Variants in LAMA5 observed in about 807,000 individuals in gnomAD.
The protein encoded by LAMA5 is laminin subunit alpha-5.
A neutral mutation model predicts 433.4 loss-of-function variants in LAMA5; 260 were observed. The observed-to-expected ratio is 0.60, with a 90% CI of 0.54 to 0.66. LAMA5 has a LOEUF of 0.66. Ranked by LOEUF, LAMA5 falls within the 30% of genes least tolerant of loss-of-function variation. LAMA5 has a pLI of 0.00. For synonymous variants in LAMA5, 2,620 were observed against 2,226.6 expected (o/e 1.18, Z -4.97); for missense variants, 5,378 against 5,258.5 (o/e 1.02, Z -0.70).
Position 62,322,638 on chromosome 20 carries a change from T to G in LAMA5, c.6165+20A>C. On this transcript the variant is annotated intron_variant, in intron 46 of 79. Transcript: ENST00000252999. ...TCCCTAGGCCCCACCCACCCAGCCC[T>G]GCTTACCCCACAGCCCTACCTGGCA... 3 of 716,342 alleles carry G rather than the reference T, an allele frequency of 4.2e-6. No homozygotes were observed. Among genetic ancestry groups the G allele is most frequent in the Non-Finnish European group, 6.4e-6 (3 of 466,046 alleles). The allele number at this position is 716,342 out of a possible 1,614,324, so 44.4% of individuals were successfully genotyped here. A position where few individuals can be genotyped will look rare whatever the true frequency, so the allele number is the denominator to read the frequency against.
chr20:62,365,177 C>T (rs113958710), intron 1 of LAMA5, among the ~76,000 whole-genome samples: 2 of 152,266 alleles, frequency 1.3e-5, no homozygotes, highest in African/African-American at 4.8e-5. Flanking sequence ...TATTGCTAGA[C>T]ATGAGCTGGG....
At position 62,317,032 on chromosome 20, in the gene LAMA5, G is replaced by C. The variant is rs373944109; in HGVS notation, c.7512-9C>G. ...TGACGTCCAGGATGATGCTGCAGCG[G>C]AAGGGAGGGTCGAAGGAGTGGGTAA... On this transcript the variant is annotated splice_polypyrimidine_tract_variant and intron_variant, in intron 55 of 79. Coordinates refer to ENST00000252999, the MANE Select transcript of LAMA5 (RefSeq NM_005560.6). The C allele has an allele frequency of 3.0e-5, 46 of 1,519,350 alleles. No individual in the cohort carries two copies. The highest frequency in any genetic ancestry group is 3.7e-5 in the Non-Finnish European group (42 of 1,132,276). 94.1% of individuals were successfully genotyped at this position (1,519,350 alleles called of 1,614,324 possible). A position where few individuals can be genotyped will look rare whatever the true frequency, so the allele number is the denominator to read the frequency against.
At position 62,334,256 on chromosome 20, in the gene LAMA5, C is replaced by A. The variant is rs748026079; in HGVS notation, c.2669G>T (p.Arg890Leu). The part of the protein sequence containing the change: ...EAATPEGHAV[R>L]FGFNPLEFEN... ...GAACTCGAGGGGGTTGAAGCCAAAG[C>A]GCACGGCGTGACCCTCAGGTGTGGC... Residue 890 changes from arginine to leucine, a missense_variant, in exon 22 of 80, where the codon CGC (arginine) becomes CTC (leucine). Transcript: ENST00000252999. 3.1e-6 allele frequency: 5 copies of A among 1,612,800 alleles called. No individual in the cohort carries two copies. The highest frequency in any genetic ancestry group is 4.2e-6 in the Non-Finnish European group (5 of 1,179,832).
chr20:62,345,204 T>C, intron 11 of LAMA5, among the ~76,000 whole-genome samples: 1 of 151,962 alleles, frequency 6.6e-6, no homozygotes, highest in East Asian at 1.9e-4. Context: ...GGTTTCACCA[T>C]GTTAGCCAGG....
rs1260353715 is a variant in LAMA5 at position 62,310,424 on chromosome 20, G to A, written c.10595C>T (p.Thr3532Ile). 6.2e-7 allele frequency: 1 copy of A among 1,603,518 alleles called. No individual in the cohort carries two copies. Among genetic ancestry groups the A allele is most frequent in the South Asian group, 1.1e-5 (1 of 89,668 alleles). ...LFFPGSGGVI[T>I]LDLPGATLPD... ...GGATGCCAGCACCCACAGACCTAAA[G>A]TGATAACTCCCCCGCTGCCTGGGAA... Residue 3532 changes from threonine (T) to isoleucine (I), a missense_variant, in exon 76 of 80, where the codon ACT becomes ATT. Transcript: ENST00000252999.
Position 62,359,126 on chromosome 20 carries a change from G to A in LAMA5, c.450+3274C>T, listed in dbSNP as rs1409537316. Reference sequence around the variant, plus strand: ...CTACCCCACCTGTAGCACCTGCAGCGTGGCCTGCTCTACAGAGAACAAAGC... The same window carrying A: ...CTACCCCACCTGTAGCACCTGCAGCATGGCCTGCTCTACAGAGAACAAAGC... On this transcript the variant is annotated intron_variant, in intron 2 of 79. Coordinates refer to ENST00000252999, the MANE Select transcript of LAMA5 (RefSeq NM_005560.6). This position sits in a 1 kb window ranked among gnomAD's most constrained non-coding sequence, Gnocchi z 4.3. 6.6e-6 allele frequency among the ~76,000 whole-genome samples: 1 copy of A among 152,178 alleles called. No homozygotes were observed. Among genetic ancestry groups the A allele is most frequent in the East Asian group, 1.9e-4 (1 of 5,188 alleles).
intron 20 of LAMA5, among the ~76,000 whole-genome samples, 158 bp from the exon 21 acceptor site, chr20:62,334,779 G>A (rs1274792296): frequency 6.7e-6 from 1 of 149,060 alleles, no homozygotes; most frequent in Non-Finnish European, 1.5e-5. Context: ...GCGAGGGTGA[G>A]GGCGCTGGGA....
At chr20:62,327,205 C>T in intron 38 of LAMA5, 28 bp downstream of exon 38, 1 of 1,471,882 alleles carries the variant, frequency 6.8e-7, no homozygotes, top group South Asian at 1.4e-5. Flanking sequence ...CCTCAAAGTG[C>T]CTCCCCCAGA....
At chr20:62,310,877 C>A in intron 74 of LAMA5, 25 bp downstream of exon 74, 1 of 1,606,612 alleles carries the variant, frequency 6.2e-7, no homozygotes. Flanking sequence ...CCCTGCCCAC[C>A]ACCTTCCTTC....
chr20:62,347,118 T>A (rs1464411886), intron 6 of LAMA5, 90 bp from the exon 7 acceptor site: 3 of 993,184 alleles, frequency 3.0e-6, no homozygotes, highest in African/African-American at 3.2e-5. Flanking sequence ...TGTGATCCCC[T>A]CGATGGCTTG....
In LAMA5 at chr20:62,346,981, C is replaced by T. The variant is rs570693723; in HGVS notation, c.1004G>A (p.Arg335His). ...CTGCTGATTGAAGCCGGGGCAGCAG[C>T]GGTCGCAGGTGCCCCCGCAGGTGTT... Reference protein sequence around the residue: ...QHNTCGGTCDRCCPGFNQQPW... With the variant: ...QHNTCGGTCDHCCPGFNQQPW... Residue 335 changes from arginine (R) to histidine (H), a missense_variant, in exon 7 of 80, where the codon CGC becomes CAC. Coordinates refer to ENST00000252999, the MANE Select transcript of LAMA5 (RefSeq NM_005560.6). The T allele has an allele frequency of 2.9e-5, 47 of 1,612,524 alleles. No individual in the cohort carries two copies. The South Asian group carries it at 3.1e-4, about 11-fold the overall frequency.
intron 11 of LAMA5, 91 bp from the exon 12 acceptor site, chr20:62,338,699 T>C (rs1982110679): frequency 6.3e-6 from 8 of 1,276,926 alleles, no homozygotes; most frequent in Non-Finnish European, 8.5e-6. Flanking sequence ...ACAAACTCAT[T>C]TTCTTACACT....
chr20:62,328,214 C>A lies in LAMA5; in HGVS notation c.4652+27G>T, dbSNP rs749456857. The A allele has an allele frequency of 4.5e-6, 7 of 1,569,178 alleles. No individual in the cohort carries two copies. In the Admixed American group the frequency reaches 7.4e-5, roughly 17 times the overall value. ...TGCTGTCCTTAAGGCCACCAGGGGC[C>A]GCGCTGACGCCGCTCTGGGCTCTCA... is the stretch of plus-strand genomic sequence containing the variant. On this transcript the variant is annotated intron_variant, in intron 35 of 79. Coordinates refer to ENST00000252999, the MANE Select transcript of LAMA5 (RefSeq NM_005560.6).
intron 18 of LAMA5, among the ~76,000 whole-genome samples, chr20:62,336,040 C>T (rs1475201997): frequency 6.8e-6 from 1 of 146,868 alleles, no homozygotes; most frequent in Non-Finnish European, 1.5e-5. Flanking sequence ...CCCTATACCC[C>T]AATACTCCCT....
At chr20:62,363,592 C>T (rs659822) in intron 1 of LAMA5, among the ~76,000 whole-genome samples, 100,987 of 151,842 alleles carry the variant, frequency 0.67, 34,312 homozygotes, top group East Asian at 0.89. Context: ...GCTCCCCCGC[C>T]CCCCCAGGAA....
rs765518344 is a variant in LAMA5 at position 62,352,296 on chromosome 20, G to A, written c.633C>T (p.Asp211=). 14 of 1,599,700 alleles carry A rather than the reference G, an allele frequency of 8.8e-6. No individual in the cohort carries two copies. The highest frequency in any genetic ancestry group is 6.7e-5 in the African/African-American group (5 of 74,842). The change falls in exon 4 of 80, where the codon GAC becomes GAT. Residue 211 remains aspartate (D), a synonymous_variant. Coordinates refer to ENST00000252999, the MANE Select transcript of LAMA5 (RefSeq NM_005560.6). The part of the protein sequence containing the change: ...PQTLERITRD[D]AAICTTEYSR... ...AGTACTCGGTGGTGCAGATGGCCGC[G>A]TCGTCCCGTGTGATGCGCTCCAGCG...
chr20:62,317,980 G>A (rs1444453516), intron 53 of LAMA5, among the ~76,000 whole-genome samples: 1 of 13,160 alleles, frequency 7.6e-5, no homozygotes, highest in African/African-American at 3.4e-4. Flanking sequence ...TGGGGAAGAA[G>A]AGAAAGGAAG....
rs749664288 is a variant in LAMA5, at chr20:62,331,079, C to T, written c.3603G>A (p.Glu1201=). 20 of 1,604,116 alleles carry T rather than the reference C, an allele frequency of 1.2e-5. No homozygotes were observed. Among genetic ancestry groups the T allele is most frequent in the Non-Finnish European group, 1.6e-5 (19 of 1,175,662 alleles). ...GGCTGCTGATGCAGCTGACCCGGGG[C>T]TCCACGAACTCCGGGCTGAACTCCT... The part of the protein sequence containing the change: ...PIEEFSPEFV[E]PRVSCISSHG... Residue 1201 remains glutamate, a synonymous_variant, in exon 29 of 80, where the codon GAG becomes GAA. Coordinates refer to ENST00000252999, the MANE Select transcript of LAMA5 (RefSeq NM_005560.6).
At chr20:62,309,874 A>G in intron 78 of LAMA5, 39 bp from the exon 79 acceptor site, 1 of 1,608,422 alleles carries the variant, frequency 6.2e-7, no homozygotes. Flanking sequence ...GGTGGTCCTC[A>G]GCCCAGCCTC....
Sources: gnomAD v4.1 joint callset for allele counts (sites outside exome capture counted in the v4.1 genomes callset) on GRCh38, gnomAD v4.1.1 for gene constraint, Gnocchi (gnomAD v3.1) non-coding constraint, MANE v1.5 for transcripts, NCBI Gene and HGNC (gene_info 2026-07-23, HGNC 2026-07-21) for gene names.